The following ZNF37A variants were observed in gnomAD, a reference collection of about 807,000 sequenced individuals.
ZNF37A encodes the protein zinc finger protein 37A, also known as zinc finger protein 37a (KOX 21).
ZNF37A carries 10 observed loss-of-function variants against 12.3 expected under a neutral mutation model. The observed-to-expected ratio is 0.82, with a 90% CI of 0.50 to 1.38. ZNF37A has a LOEUF of 1.38. Among genes scored for constraint, ZNF37A ranks in the 40% most tolerant of loss-of-function variants. The probability of loss-of-function intolerance (pLI) is 0.00; values close to 1 mark genes in which losing one functional copy is unlikely to be tolerated. For missense variants in ZNF37A, 580 were observed against 651.2 expected, an observed-to-expected ratio of 0.89 and a Z score of 1.19; for synonymous variants, 207 against 223.0, an observed-to-expected ratio of 0.93 and a Z score of 0.64.
At chr10:38,099,050 T>G (rs1159509461) in intron 5 of ZNF37A, among the ~76,000 whole-genome samples, 1 of 152,220 alleles carries the variant, frequency 6.6e-6, no homozygotes, top group Non-Finnish European at 1.5e-5. Context: ...GTGTGTGTAT[T>G]TATTTAGCCT....
Position 38,110,663 on chromosome 10 carries a change from T to C in ZNF37A, c.16-4092T>C, listed in dbSNP as rs528690127. 5.3e-5 allele frequency among the ~76,000 whole-genome samples: 8 copies of C among 151,788 alleles called. No homozygotes were observed. The South Asian group carries it at 1.0e-3, about 20-fold the overall frequency. On this transcript the variant is annotated intron_variant, in intron 5 of 7. Coordinates refer to ENST00000685332, the MANE Select transcript of ZNF37A (RefSeq NM_001324250.3). ...AGAAAAAAACAACCCCATCAAAAAG[T>C]GGGTGAAGGAAATGAACAGACACTT... is the stretch of plus-strand genomic sequence containing the variant.
At chr10:38,102,495 C>A (rs559113192) in intron 5 of ZNF37A, among the ~76,000 whole-genome samples, 7 of 152,002 alleles carry the variant, frequency 4.6e-5, no homozygotes, top group Non-Finnish European at 8.8e-5. Context: ...ACATATTAGG[C>A]CTTCATAAAT....
intron 5 of ZNF37A, among the ~76,000 whole-genome samples, chr10:38,114,292 G>A (rs139143533): frequency 6.6e-6 from 1 of 152,112 alleles, no homozygotes; most frequent in Non-Finnish European, 1.5e-5. Context: ...TTATATGTTT[G>A]CAAAGGAACT....
At chr10:38,136,038 C>T (rs568902503) in intron 7 of ZNF37A, among the ~76,000 whole-genome samples, 1 of 152,216 alleles carries the variant, frequency 6.6e-6, no homozygotes, top group Admixed American at 6.5e-5. Context: ...AAAAATGAAC[C>T]CCTTTAGCTT....
rs1262328905 is a variant in ZNF37A, at chr10:38,122,625, A to G, written c.*3788A>G. 2 of 152,254 alleles carry G rather than the reference A, an allele frequency of 1.3e-5. No homozygotes were observed. The highest frequency in any genetic ancestry group is 1.5e-5 in the Non-Finnish European group (1 of 68,044). The allele number at this position is 152,254 out of a possible 1,614,324, so 9.4% of individuals were successfully genotyped here. A position where few individuals can be genotyped will look rare whatever the true frequency, so the allele number is the denominator to read the frequency against. ...ATGGTGCTGGGAAAACTGGATATCC[A>G]TATGCAGAAGAATGAAACTAGACCC... is the stretch of plus-strand genomic sequence containing the variant. On this transcript the variant is annotated 3_prime_UTR_variant, in exon 8 of 8. Coordinates refer to ENST00000685332, the MANE Select transcript of ZNF37A (RefSeq NM_001324250.3).
In ZNF37A at chr10:38,094,376, C is replaced by T. The variant is rs1216152783; in HGVS notation, c.-606C>T. The T allele has an allele frequency of 6.6e-6, 1 of 152,182 alleles. No homozygotes were observed. Among genetic ancestry groups the T allele is most frequent in the Non-Finnish European group, 1.5e-5 (1 of 68,064 alleles). The allele number at this position is 152,182 out of a possible 1,614,324, so 9.4% of individuals were successfully genotyped here. On this transcript the variant is annotated 5_prime_UTR_variant, in exon 1 of 8. Transcript: ENST00000685332. Reference sequence around the variant, plus strand: ...ACTTTTCGGCCCCCGTCGCGGGAGCCGCTTCGGGCCTTCTGGGCATGTCTG... The same window carrying T: ...ACTTTTCGGCCCCCGTCGCGGGAGCTGCTTCGGGCCTTCTGGGCATGTCTG...
rs1183934906 is a variant in ZNF37A, at chr10:38,118,284, C to G, written c.1133C>G (p.Thr378Arg). ...SVLTVHQKTH[T>R]GEKPYECYAC... Reference sequence around the variant, plus strand: ...CTTACTGTGCATCAGAAAACACACACAGGGGAGAAGCCCTATGAATGCTAT... The same window carrying G: ...CTTACTGTGCATCAGAAAACACACAGAGGGGAGAAGCCCTATGAATGCTAT... The change falls in exon 8 of 8, where the codon ACA becomes AGA. Residue 378 changes from threonine (T) to arginine (R), a missense_variant. Coordinates refer to ENST00000685332, the MANE Select transcript of ZNF37A (RefSeq NM_001324250.3). 5 of 1,613,716 alleles carry G rather than the reference C, an allele frequency of 3.1e-6. No individual in the cohort carries two copies. In the African/African-American group the frequency reaches 6.7e-5, roughly 22 times the overall value.
At position 38,122,724 on chromosome 10, in the gene ZNF37A, A is replaced by G. The variant is rs1408128791; in HGVS notation, c.*3887A>G. The G allele has an allele frequency of 2.0e-5, 3 of 152,222 alleles. No homozygotes were observed. Among genetic ancestry groups the G allele is most frequent in the Non-Finnish European group, 4.4e-5 (3 of 68,044 alleles). 9.4% of individuals were successfully genotyped at this position (152,222 alleles called of 1,614,324 possible). A position where few individuals can be genotyped will look rare whatever the true frequency, so the allele number is the denominator to read the frequency against. ...TAAGACCTCAAACTATGAAACAGCT[A>G]AAAGAAAACATCGGGGAATCTCTCC... On this transcript the variant is annotated 3_prime_UTR_variant, in exon 8 of 8. Coordinates refer to ENST00000685332, the MANE Select transcript of ZNF37A (RefSeq NM_001324250.3).
At chr10:38,129,053 A>G (rs1367347812), downstream of ZNF37A, among the ~76,000 whole-genome samples, 4 of 152,044 alleles carry the variant, frequency 2.6e-5, no homozygotes, top group Admixed American at 1.3e-4. Context: ...CATCTGGCCA[A>G]TGAAATTCTT....
At chr10:38,139,071 G>A (rs778571860) in intron 7 of ZNF37A, 6 of 152,128 alleles carry the variant, frequency 3.9e-5, no homozygotes, top group Non-Finnish European at 7.3e-5. Context: ...TACAAATACC[G>A]TGTTTTATAA....
Position 38,119,013 on chromosome 10 carries a change from A to G in ZNF37A, c.*176A>G, listed in dbSNP as rs1340823438. ...AAAACATTATTCTGGAATTTGGACC[A>G]TACACTATGTTACAAAACTAAAAGT... On this transcript the variant is annotated 3_prime_UTR_variant, in exon 8 of 8. Coordinates refer to ENST00000685332, the MANE Select transcript of ZNF37A (RefSeq NM_001324250.3). The G allele has an allele frequency of 1.5e-6, 2 of 1,310,316 alleles. No individual in the cohort carries two copies. The highest frequency in any genetic ancestry group is 1.9e-6 in the Non-Finnish European group (2 of 1,033,082). The allele number at this position is 1,310,316 out of a possible 1,614,324, so 81.2% of individuals were successfully genotyped here.
At chr10:38,102,565 T>TAA (rs537762984) in intron 5 of ZNF37A, among the ~76,000 whole-genome samples, 2 of 151,920 alleles carry the variant, frequency 1.3e-5, no homozygotes, top group Admixed American at 1.3e-4. Context: ...TTAAATCACA[T>TAA]AAAAAAAAGA....
Position 38,095,012 on chromosome 10 carries a change from T to G in ZNF37A, c.-410T>G, listed in dbSNP as rs2067034714. 6.6e-6 allele frequency: 1 copy of G among 152,588 alleles called. No individual in the cohort carries two copies. Among genetic ancestry groups the G allele is most frequent in the Non-Finnish European group, 1.5e-5 (1 of 68,348 alleles). The allele number at this position is 152,588 out of a possible 1,614,324, so 9.5% of individuals were successfully genotyped here. On this transcript the variant is annotated 5_prime_UTR_variant, in exon 2 of 8. Transcript: ENST00000685332. ...GGATTGGGGAATTTCTTGTTTCCACTGACCTGTGAGGCCGCGCACGCGGAG... is the reference window on the plus strand; with the variant it reads ...GGATTGGGGAATTTCTTGTTTCCACGGACCTGTGAGGCCGCGCACGCGGAG...
downstream of ZNF37A, among the ~76,000 whole-genome samples, chr10:38,129,434 C>G (rs544901288): frequency 6.6e-6 from 1 of 152,036 alleles, no homozygotes; most frequent in Admixed American, 6.6e-5. Flanking sequence ...CCACCCTCCA[C>G]CTTGAGTAGT....
chr10:38,145,775 C>A (rs2070245159), intron 7 of ZNF37A, among the ~76,000 whole-genome samples: 1 of 152,170 alleles, frequency 6.6e-6, no homozygotes, highest in Admixed American at 6.5e-5. Flanking sequence ...GAGACTATAT[C>A]TATAAAACTG....
intron 5 of ZNF37A, among the ~76,000 whole-genome samples, chr10:38,099,393 A>G (rs2504139): frequency 0.48 from 73,373 of 152,034 alleles, 17,878 homozygotes; most frequent in East Asian, 0.54. Context: ...GTCTTATTGT[A>G]ACAGTCTTAT....
In ZNF37A at chr10:38,095,585, C is replaced by T. The variant is rs1054713025; in HGVS notation, c.-150C>T. ...CAGCACAACTAGAGATGTACGGATG[C>T]CCCCATCTTGATCTTACAGAATCAG... On this transcript the variant is annotated 5_prime_UTR_variant, in exon 3 of 8. Coordinates refer to ENST00000685332, the MANE Select transcript of ZNF37A (RefSeq NM_001324250.3). 2 of 152,178 alleles carry T rather than the reference C, an allele frequency of 1.3e-5. No individual in the cohort carries two copies. Among genetic ancestry groups the T allele is most frequent in the Admixed American group, 1.3e-4 (2 of 15,284 alleles). 9.4% of individuals were successfully genotyped at this position (152,178 alleles called of 1,614,324 possible).
intron 5 of ZNF37A, among the ~76,000 whole-genome samples, chr10:38,112,767 T>TG (rs1362946429): frequency 0.062 from 3,873 of 62,850 alleles, 708 homozygotes; most frequent in East Asian, 0.1. Context: ...TTTCTTTTCT[T>TG]TTCTTTTCTT....
chr10:38,144,774 C>T (rs560444549), intron 7 of ZNF37A, among the ~76,000 whole-genome samples: 2 of 152,156 alleles, frequency 1.3e-5, no homozygotes, highest in South Asian at 4.1e-4. Flanking sequence ...CTTTAATGTT[C>T]CCAGCAGTGA....
Sources: allele counts gnomAD v4.1 joint callset (sites outside exome capture counted in the v4.1 genomes callset), GRCh38; gene constraint gnomAD v4.1.1; transcripts MANE v1.5; gene names NCBI Gene and HGNC (gene_info 2026-07-23, HGNC 2026-07-21).